The following SCAF8 variants were observed in gnomAD, a reference collection of about 807,000 sequenced individuals.
SCAF8 encodes SR-related CTD associated factor 8, also known as SR-related and CTD-associated factor 8.
A neutral mutation model predicts 140.5 loss-of-function variants in SCAF8; 23 were observed. The observed-to-expected ratio is 0.16, with a 90% CI of 0.12 to 0.23. SCAF8 has a LOEUF of 0.23. Ranked by LOEUF, SCAF8 falls within the 10% of genes least tolerant of loss-of-function variation. The pLI is 1.00. For missense variants in SCAF8, 1,397 were observed against 1,555.7 expected, an observed-to-expected ratio of 0.90 and a Z score of 1.72; for synonymous variants, 575 against 528.9, an observed-to-expected ratio of 1.09 and a Z score of -1.20.
In SCAF8 at chr6:154,793,051, T is replaced by C. The variant is rs1412807523; in HGVS notation, c.475+75T>C. On this transcript the variant is annotated intron_variant, in intron 5 of 19. Transcript: ENST00000367178. ...TTTGGATGACTGTTCATATAAAAAA[T>C]AATTCGACAGTGCAGGAAAATTTGT... is the stretch of plus-strand genomic sequence containing the variant. 4.0e-6 allele frequency: 5 copies of C among 1,252,520 alleles called. No homozygotes were observed. The African/African-American group carries it at 7.7e-5, about 19-fold the overall frequency. The allele number at this position is 1,252,520 out of a possible 1,614,324, so 77.6% of individuals were successfully genotyped here.
At chr6:154,817,157 A>T (rs931994297) in intron 13 of SCAF8, among the ~76,000 whole-genome samples, 1 of 152,180 alleles carries the variant, frequency 6.6e-6, no homozygotes, top group Middle Eastern at 3.2e-3. Context: ...GCTGCATATC[A>T]GTAATATGTC....
intron 3 of SCAF8, among the ~76,000 whole-genome samples, chr6:154,779,285 C>T (rs1777014645): frequency 6.6e-6 from 1 of 152,174 alleles, no homozygotes; most frequent in African/African-American, 2.4e-5. Flanking sequence ...ATCCATGTGT[C>T]TTGGCCTCTC....
chr6:154,760,154 TGTA>T (rs954961102), intron 1 of SCAF8, among the ~76,000 whole-genome samples: 7 of 151,868 alleles, frequency 4.6e-5, no homozygotes, highest in African/African-American at 7.3e-5. Flanking sequence ...ATTAGCCAGA[TGTA>T]GTGGTGCATG....
At chr6:154,751,632 A>G (rs1359644600) in intron 1 of SCAF8, among the ~76,000 whole-genome samples, 1 of 152,162 alleles carries the variant, frequency 6.6e-6, no homozygotes, top group Non-Finnish European at 1.5e-5. Context: ...TACCTTTACT[A>G]GGTGCACATA....
intron 15 of SCAF8, among the ~76,000 whole-genome samples, chr6:154,821,939 T>TG (rs2114676799): frequency 6.6e-6 from 1 of 152,354 alleles, no homozygotes; most frequent in South Asian, 2.1e-4. Flanking sequence ...GGTCTTCCTT[T>TG]GTTGTATTTT....
At chr6:154,756,749 G>A (rs73010922) in intron 1 of SCAF8, among the ~76,000 whole-genome samples, 2,550 of 152,236 alleles carry the variant, frequency 0.017, 27 homozygotes, top group Non-Finnish European at 0.023. Context: ...TCTTTAAGCT[G>A]GGCGCGGTGG....
At chr6:154,754,539 A>G (rs1442246883) in intron 1 of SCAF8, among the ~76,000 whole-genome samples, 1 of 152,258 alleles carries the variant, frequency 6.6e-6, no homozygotes, top group Non-Finnish European at 1.5e-5. Flanking sequence ...TAAAACGAGA[A>G]TAGTAAATAT....
intron 6 of SCAF8, among the ~76,000 whole-genome samples, chr6:154,796,973 A>G (rs1161837824): frequency 6.6e-6 from 1 of 151,154 alleles, no homozygotes; most frequent in Non-Finnish European, 1.5e-5. Flanking sequence ...CTCAAAAACA[A>G]AAATCTCAAA....
At chr6:154,825,613 A>G (rs1425623047) in intron 17 of SCAF8, among the ~76,000 whole-genome samples, 1 of 142,504 alleles carries the variant, frequency 7.0e-6, no homozygotes, top group Non-Finnish European at 1.5e-5. Context: ...CTGTGTTCGC[A>G]CCACTACACT....
intron 1 of SCAF8, among the ~76,000 whole-genome samples, chr6:154,746,744 CT>C (rs1326666980): frequency 6.6e-6 from 1 of 152,134 alleles, no homozygotes; most frequent in African/African-American, 2.4e-5. Flanking sequence ...ACAAACATTA[CT>C]TGGTTAGTTT....
intron 19 of SCAF8, 75 bp downstream of exon 19, chr6:154,831,215 G>A (rs1433950209): frequency 1.2e-5 from 10 of 849,288 alleles, no homozygotes; most frequent in South Asian, 5.6e-5. Flanking sequence ...GGTGGCATGC[G>A]TTTGTAACCA....
chr6:154,827,068 G>T (rs956746505), intron 17 of SCAF8, 104 bp from the exon 18 acceptor site: 1 of 900,232 alleles, frequency 1.1e-6, no homozygotes. Flanking sequence ...TGAGGTTGTA[G>T]TCCATTTTAA....
At chr6:154,804,614 T>A (rs1276542953) in intron 8 of SCAF8, among the ~76,000 whole-genome samples, 1 of 152,190 alleles carries the variant, frequency 6.6e-6, no homozygotes, top group Non-Finnish European at 1.5e-5. Context: ...TCAAATTTAC[T>A]CCGCTATCTT....
At chr6:154,736,130 C>T (rs1778411152) in intron 1 of SCAF8, among the ~76,000 whole-genome samples, 1 of 151,630 alleles carries the variant, frequency 6.6e-6, no homozygotes, top group African/African-American at 2.4e-5. Flanking sequence ...TGGGGGATTT[C>T]GTTTTGTTTT....
chr6:154,778,769 ATGTGTGTGTGTGTGTGTGTGTG>A (rs71021079), intron 3 of SCAF8, among the ~76,000 whole-genome samples: 8 of 142,058 alleles, frequency 5.6e-5, no homozygotes, highest in African/African-American at 5.2e-5. Flanking sequence ...GTCTCAAAAA[ATGTGTGTGTGTGTGTGTGTGTG>A]TGTGTGTGTG....
At chr6:154,799,944 C>T (rs1777722945) in intron 6 of SCAF8, among the ~76,000 whole-genome samples, 1 of 151,154 alleles carries the variant, frequency 6.6e-6, no homozygotes, top group South Asian at 2.1e-4. Flanking sequence ...GCTACCACAC[C>T]CAGCTAATTT....
chr6:154,806,988 G>C (rs906169886), intron 9 of SCAF8, among the ~76,000 whole-genome samples: 6 of 152,212 alleles, frequency 3.9e-5, no homozygotes, highest in Non-Finnish European at 8.8e-5. Flanking sequence ...GGAGGTAGTC[G>C]TGATGGAAGA....
chr6:154,767,517 T>C (rs1198510724), intron 1 of SCAF8, among the ~76,000 whole-genome samples: 1 of 145,588 alleles, frequency 6.9e-6, no homozygotes, highest in Non-Finnish European at 1.5e-5. Flanking sequence ...CAGAAGCTGC[T>C]GCTTCTGTTA....
At chr6:154,752,039 A>G (rs1433614795) in intron 1 of SCAF8, among the ~76,000 whole-genome samples, 5 of 152,226 alleles carry the variant, frequency 3.3e-5, no homozygotes, top group South Asian at 2.1e-4. Flanking sequence ...CTTTAAGTCT[A>G]TATCCTTAAT....
Sources: gnomAD v4.1 joint callset for allele counts (sites outside exome capture counted in the v4.1 genomes callset) on GRCh38, gnomAD v4.1.1 for gene constraint, MANE v1.5 for transcripts, NCBI Gene and HGNC (gene_info 2026-07-23, HGNC 2026-07-21) for gene names.